Variants in UBTD1 observed in about 807,000 individuals in gnomAD.
The protein encoded by UBTD1 is ubiquitin domain-containing protein 1.
UBTD1 carries 19 observed loss-of-function variants against 21.7 expected under a neutral mutation model. That is an observed-to-expected ratio of 0.87 (90% CI 0.61 to 1.28). The LOEUF (loss-of-function observed/expected upper bound fraction) is 1.28, where lower values mean the gene tolerates loss of function less well. Among genes scored for constraint, UBTD1 ranks in the 50% most tolerant of loss-of-function variants. The pLI is 0.00. For missense variants in UBTD1, 282 were observed against 315.1 expected, an observed-to-expected ratio of 0.89 and a Z score of 0.80; for synonymous variants, 116 against 135.1, an observed-to-expected ratio of 0.86 and a Z score of 0.98.
intron 1 of UBTD1, among the ~76,000 whole-genome samples, chr10:97,501,068 T>C (rs1271302854): frequency 1.3e-5 from 2 of 152,196 alleles, no homozygotes; most frequent in South Asian, 2.1e-4. Flanking sequence ...CAGCCAGTCA[T>C]TGGGGTCTGC....
At chr10:97,555,506 T>G (rs1036113636) in intron 1 of UBTD1, among the ~76,000 whole-genome samples, 1 of 151,914 alleles carries the variant, frequency 6.6e-6, no homozygotes, top group African/African-American at 2.4e-5. Flanking sequence ...AGACACCGAG[T>G]TGTAGAAGGA....
Position 97,568,017 on chromosome 10 carries a change from G to T in UBTD1, c.174G>T (p.Ala58=), listed in dbSNP as rs144202501. 3 of 1,614,054 alleles carry T rather than the reference G, an allele frequency of 1.9e-6. No individual in the cohort carries two copies. The South Asian group carries it at 3.3e-5, about 18-fold the overall frequency. ...AACGGGATGAGTTCTGGGACACAGC[G>T]CCTGCCTTCGAGGGCCGCAAGGAGA... ...RSKRDEFWDT[A]PAFEGRKEIW... is the part of the protein sequence containing the mutation. The change falls in exon 2 of 3, where the codon GCG becomes GCT. Residue 58 remains alanine (A), a synonymous_variant. Transcript: ENST00000370664.
chr10:97,517,886 C>T (rs922173019), intron 1 of UBTD1, among the ~76,000 whole-genome samples: 3 of 152,032 alleles, frequency 2.0e-5, no homozygotes, highest in African/African-American at 7.2e-5. Context: ...TGTGTGGAGA[C>T]CAGCAGCAGG....
intron 1 of UBTD1, among the ~76,000 whole-genome samples, chr10:97,500,611 C>T (rs1029871229): frequency 1.3e-5 from 2 of 152,288 alleles, no homozygotes; most frequent in South Asian, 4.1e-4. Context: ...GCATTTTTTG[C>T]TGTTGACAAC....
intron 1 of UBTD1, among the ~76,000 whole-genome samples, chr10:97,548,117 G>A (rs1389845957): frequency 2.0e-5 from 3 of 152,182 alleles, no homozygotes; most frequent in Non-Finnish European, 4.4e-5. Context: ...GGTCACAAAG[G>A]TGGTTAGCAG....
intron 1 of UBTD1, among the ~76,000 whole-genome samples, chr10:97,548,787 T>C (rs2040623074): frequency 6.6e-6 from 1 of 152,172 alleles, no homozygotes; most frequent in Admixed American, 6.5e-5. Context: ...AAAAAAAGAC[T>C]AAACGAAAAC....
At chr10:97,553,610 C>G (rs2040650668) in intron 1 of UBTD1, among the ~76,000 whole-genome samples, 1 of 152,096 alleles carries the variant, frequency 6.6e-6, no homozygotes, top group African/African-American at 2.4e-5. Flanking sequence ...GCCTGGAGAA[C>G]TTGGTGAGTT....
chr10:97,545,226 A>G (rs2040603375), intron 1 of UBTD1, among the ~76,000 whole-genome samples: 1 of 151,886 alleles, frequency 6.6e-6, no homozygotes. Context: ...CTGTAGTCCC[A>G]GCTACTCAGG....
intron 1 of UBTD1, among the ~76,000 whole-genome samples, chr10:97,506,105 A>G (rs1383517445): frequency 2.6e-5 from 4 of 152,198 alleles, no homozygotes; most frequent in Non-Finnish European, 5.9e-5. Flanking sequence ...TCTTTCTCTC[A>G]AAAGTGTTAC....
chr10:97,518,372 T>A (rs977818335), intron 1 of UBTD1, among the ~76,000 whole-genome samples: 3 of 152,186 alleles, frequency 2.0e-5, no homozygotes, highest in Non-Finnish European at 2.9e-5. Context: ...GACAAGGCCC[T>A]CTATCCTCTG....
intron 1 of UBTD1, 116 bp from the exon 2 acceptor site, chr10:97,567,798 A>G: frequency 1.1e-6 from 1 of 946,800 alleles, no homozygotes; most frequent in Non-Finnish European, 1.6e-6. Context: ...CTGAATACTT[A>G]GTAGCCAGTG....
Position 97,522,996 on chromosome 10 carries a change from C to T in UBTD1, c.70+23723C>T, listed in dbSNP as rs185393228. 2.6e-3 allele frequency among the ~76,000 whole-genome samples: 402 copies of T among 152,310 alleles called. 1 individual carries two copies. Among genetic ancestry groups the T allele is most frequent in the African/African-American group, 7.3e-3 (302 of 41,566 alleles). On this transcript the variant is annotated intron_variant, in intron 1 of 2. Coordinates refer to ENST00000370664, the MANE Select transcript of UBTD1 (RefSeq NM_024954.5). ...TCTGTTGAGGCATCCCTGAGCGTTC[C>T]TTCCCCTGCCTACCTGGAGATCTCC...
chr10:97,510,567 C>T (rs767799559), intron 1 of UBTD1, among the ~76,000 whole-genome samples: 1 of 152,072 alleles, frequency 6.6e-6, no homozygotes, highest in Non-Finnish European at 1.5e-5. Context: ...GACATATTAC[C>T]TACTCAGTAA....
At position 97,552,775 on chromosome 10, in the gene UBTD1, G is replaced by C. The variant is rs143157385; in HGVS notation, c.71-15139G>C. ...GTTTGAGACCTTTTTTCACTGTATG[G>C]TGGACGTTTTCCCGTGTTAGCATCC... On this transcript the variant is annotated intron_variant, in intron 1 of 2. Transcript: ENST00000370664. 3.2e-3 allele frequency among the ~76,000 whole-genome samples: 480 copies of C among 152,278 alleles called. 1 individual carries two copies. The highest frequency in any genetic ancestry group is 4.9e-3 in the Non-Finnish European group (335 of 68,026).
intron 1 of UBTD1, among the ~76,000 whole-genome samples, chr10:97,555,565 G>A (rs537565794): frequency 2.6e-4 from 39 of 152,194 alleles, no homozygotes; most frequent in Admixed American, 1.2e-3. Context: ...CTTAAAATCC[G>A]AGCTCCCCAA....
chr10:97,499,267 CGAGCAGGTAACGATGGGGAAGG>C lies in UBTD1; in HGVS notation c.70+2_70+23del. On this transcript the variant is annotated splice_donor_variant and splice_donor_5th_base_variant and coding_sequence_variant and intron_variant, in exon 1 of 3. Transcript: ENST00000370664. LOFTEE classifies it high-confidence loss of function. ...GGCAGCCCCGGGACACCCCCGCAAG[CGAGCAGGTAACGATGGGGAAGG>C]GAGCAGGGCCTCGGGCATCCCGCCA... The C allele has an allele frequency of 6.5e-7, 1 of 1,548,602 alleles. No individual in the cohort carries two copies. Among genetic ancestry groups the C allele is most frequent in the Non-Finnish European group, 8.7e-7 (1 of 1,145,784 alleles).
chr10:97,499,674 G>C (rs1025230077), intron 1 of UBTD1, among the ~76,000 whole-genome samples: 1 of 152,220 alleles, frequency 6.6e-6, no homozygotes. Flanking sequence ...AACTCGGAGC[G>C]AGCGAGGCGA....
Position 97,499,060 on chromosome 10 carries a change from G to T in UBTD1, c.-144G>T. 2 of 915,712 alleles carry T rather than the reference G, an allele frequency of 2.2e-6. No individual in the cohort carries two copies. The highest frequency in any genetic ancestry group is 3.7e-5 in the South Asian group (2 of 54,154). 56.7% of individuals were successfully genotyped at this position (915,712 alleles called of 1,614,324 possible). On this transcript the variant is annotated 5_prime_UTR_variant, in exon 1 of 3. Coordinates refer to ENST00000370664, the MANE Select transcript of UBTD1 (RefSeq NM_024954.5). ...CCCGCAAAGTTTTGGCGGAGCCATCGCTGGGGCTGAGCGCGCCCCCGGGGG... is the reference window on the plus strand; with the variant it reads ...CCCGCAAAGTTTTGGCGGAGCCATCTCTGGGGCTGAGCGCGCCCCCGGGGG...
chr10:97,511,187 A>G (rs920853777), intron 1 of UBTD1, among the ~76,000 whole-genome samples: 2 of 152,178 alleles, frequency 1.3e-5, no homozygotes, highest in Non-Finnish European at 2.9e-5. Flanking sequence ...TTTCTTGTAT[A>G]CTGCTACTGA....
Sources: gnomAD v4.1 joint callset for allele counts (sites outside exome capture counted in the v4.1 genomes callset) on GRCh38, gnomAD v4.1.1 for gene constraint, MANE v1.5 for transcripts, NCBI Gene and HGNC (gene_info 2026-07-23, HGNC 2026-07-21) for gene names.